Variants in SLC17A5 observed in about 807,000 individuals in gnomAD.
SLC17A5 encodes the protein solute carrier family 17 member 5, also known as sialin.
A neutral mutation model predicts 59.4 loss-of-function variants in SLC17A5; 47 were observed. The ratio of observed to expected loss-of-function variants is 0.79; its 90% CI spans 0.63 to 1.01. SLC17A5 has a LOEUF of 1.01. Ranked by LOEUF, SLC17A5 falls within the 50% of genes least tolerant of loss-of-function variation. The probability of loss-of-function intolerance (pLI) is 0.00; values close to 1 mark genes in which losing one functional copy is unlikely to be tolerated. For missense variants in SLC17A5, 522 were observed against 595.5 expected (o/e 0.88, Z 1.28); for synonymous variants, 202 against 210.7 (o/e 0.96, Z 0.36).
chr6:73,600,464 G>A (rs1009825377), intron 9 of SLC17A5, 23 bp from the exon 10 acceptor site: 4 of 1,506,126 alleles, frequency 2.7e-6, no homozygotes, highest in South Asian at 1.1e-5. Flanking sequence ...TTTCATAGAC[G>A]TTTATTATTG....
chr6:73,653,687 C>T, intron 1 of SLC17A5, 106 bp downstream of exon 1: 4 of 1,219,892 alleles, frequency 3.3e-6, no homozygotes, highest in Non-Finnish European at 3.5e-6. Context: ...TGAGCAGCTC[C>T]GGTCCCGCCG....
intron 1 of SLC17A5, chr6:73,645,522 C>T (rs979988104): frequency 6.5e-5 from 64 of 983,470 alleles, no homozygotes; most frequent in Non-Finnish European, 7.4e-5. Flanking sequence ...CACAGTGGCT[C>T]ACGCCTGTAA....
intron 3 of SLC17A5, 111 bp downstream of exon 3, chr6:73,641,580 T>C: frequency 6.2e-6 from 5 of 805,156 alleles, no homozygotes; most frequent in Non-Finnish European, 1.0e-5. Context: ...AAACCCCTGT[T>C]ATCATCCAAC....
intron 9 of SLC17A5, among the ~76,000 whole-genome samples, chr6:73,609,914 TG>T (rs2150086173): frequency 6.6e-6 from 1 of 152,288 alleles, no homozygotes; most frequent in Non-Finnish European, 1.5e-5. Context: ...GTACAGTTTC[TG>T]TTGAGAAGAT....
intron 10 of SLC17A5, among the ~76,000 whole-genome samples, chr6:73,599,281 A>G (rs1459817596): frequency 6.6e-6 from 1 of 152,072 alleles, no homozygotes; most frequent in Non-Finnish European, 1.5e-5. Flanking sequence ...GCATGATCAT[A>G]GCTCACTGCA....
At chr6:73,634,914 T>C (rs1306675873) in intron 6 of SLC17A5, among the ~76,000 whole-genome samples, 1 of 152,180 alleles carries the variant, frequency 6.6e-6, no homozygotes, top group African/African-American at 2.4e-5. Flanking sequence ...TAACACATTT[T>C]ATTTTCTACT....
intron 9 of SLC17A5, among the ~76,000 whole-genome samples, chr6:73,603,492 C>T (rs1374504403): frequency 6.8e-6 from 1 of 148,040 alleles, no homozygotes; most frequent in East Asian, 2.0e-4. Context: ...GTGATCTTGG[C>T]TCATTACAAC....
At chr6:73,601,283 G>A (rs1382974250) in intron 9 of SLC17A5, among the ~76,000 whole-genome samples, 3 of 138,232 alleles carry the variant, frequency 2.2e-5, no homozygotes, top group African/African-American at 8.1e-5. Context: ...CCCCGTCTGA[G>A]AAGTGAGGAG....
chr6:73,632,244 A>G (rs1276040731), intron 6 of SLC17A5, among the ~76,000 whole-genome samples: 1 of 134,742 alleles, frequency 7.4e-6, no homozygotes, highest in African/African-American at 2.9e-5. Context: ...GGCTGCACTG[A>G]GCTGTGATGG....
intron 9 of SLC17A5, among the ~76,000 whole-genome samples, chr6:73,609,758 A>C (rs778171316): frequency 2.6e-5 from 4 of 152,232 alleles, no homozygotes; most frequent in Non-Finnish European, 5.9e-5. Context: ...TTTAAAAACA[A>C]CTTCCTGCTT....
intron 6 of SLC17A5, among the ~76,000 whole-genome samples, chr6:73,628,302 G>A (rs1768533110): frequency 6.6e-6 from 1 of 152,162 alleles, no homozygotes; most frequent in African/African-American, 2.4e-5. Context: ...TGGGCGTGGT[G>A]GCTCACACCT....
chr6:73,653,075 T>C (rs921756197), intron 1 of SLC17A5: 6 of 985,500 alleles, frequency 6.1e-6, no homozygotes, highest in East Asian at 2.3e-4. Flanking sequence ...CATAGGTATC[T>C]TGAGGATAAC....
intron 6 of SLC17A5, among the ~76,000 whole-genome samples, chr6:73,627,981 C>T (rs1218725862): frequency 2.0e-5 from 3 of 150,010 alleles, no homozygotes; most frequent in East Asian, 2.0e-4. Context: ...AGTGCAGAGG[C>T]GCGATCACGG....
chr6:73,635,550 C>CAAACA (rs893436809), intron 5 of SLC17A5, 50 bp from the exon 6 acceptor site: 2 of 913,014 alleles, frequency 2.2e-6, no homozygotes, highest in African/African-American at 3.4e-5. Context: ...TACCAAATAA[C>CAAACA]AAACAAAACA....
intron 6 of SLC17A5, among the ~76,000 whole-genome samples, chr6:73,627,587 T>TCATCATA (rs1408805139): frequency 6.6e-6 from 1 of 152,072 alleles, no homozygotes; most frequent in Non-Finnish European, 1.5e-5. Flanking sequence ...CTCGATGGCT[T>TCATCATA]CATCATATCT....
At chr6:73,602,176 A>G (rs1232846098) in intron 9 of SLC17A5, among the ~76,000 whole-genome samples, 6 of 150,878 alleles carry the variant, frequency 4.0e-5, no homozygotes, top group African/African-American at 1.2e-4. Context: ...TGCTGTGTCC[A>G]CTCAGGGTTA....
intron 7 of SLC17A5, among the ~76,000 whole-genome samples, chr6:73,616,571 ACACACACAC>A (rs1485815894): frequency 1.7e-3 from 211 of 123,190 alleles, no homozygotes; most frequent in African/African-American, 7.4e-3. Flanking sequence ...ACACACACAC[ACACACACAC>A]GTTTATTTTT....
chr6:73,606,651 A>G (rs1767404310), intron 9 of SLC17A5, among the ~76,000 whole-genome samples: 1 of 152,178 alleles, frequency 6.6e-6, no homozygotes, highest in South Asian at 2.1e-4. Context: ...ACTTCATGAC[A>G]TGACCCACCA....
In SLC17A5 at chr6:73,603,406, T is replaced by C. The variant is rs566108337; in HGVS notation, c.1260-2965A>G. The stretch of plus-strand genomic sequence containing the variant: ...TGCACCTGGCCCGATAATTCATTTT[T>C]AAAATTGCTGCCTCTTTTTTTTTTT... On this transcript the variant is annotated intron_variant, in intron 9 of 10. Coordinates refer to ENST00000355773, the MANE Select transcript of SLC17A5 (RefSeq NM_012434.5). Among the ~76,000 whole-genome samples, 4 of 146,666 alleles carry C rather than the reference T, an allele frequency of 2.7e-5. No homozygotes were observed. The South Asian group carries it at 8.5e-4, about 31-fold the overall frequency.
Sources: gnomAD v4.1 joint callset for allele counts (sites outside exome capture counted in the v4.1 genomes callset) on GRCh38, gnomAD v4.1.1 for gene constraint, MANE v1.5 for transcripts, NCBI Gene and HGNC (gene_info 2026-07-23, HGNC 2026-07-21) for gene names.